Variants in RTL9 observed in about 807,000 individuals in gnomAD.
RTL9 encodes retrotransposon Gag-like protein 9.
RTL9 carries 19 observed loss-of-function variants against 44.7 expected under a neutral mutation model. The ratio of observed to expected loss-of-function variants is 0.42; its 90% CI spans 0.30 to 0.62. RTL9 has a LOEUF of 0.62. Ranked by LOEUF, RTL9 falls within the 20% of genes least tolerant of loss-of-function variation. The pLI, the probability that RTL9 is intolerant of heterozygous loss-of-function variation, is 0.16. For synonymous variants in RTL9, 407 were observed against 398.9 expected, an observed-to-expected ratio of 1.02 and a Z score of -0.24; for missense variants, 1,105 against 1,080.6, an observed-to-expected ratio of 1.02 and a Z score of -0.32.
intron 1 of RTL9, among the ~76,000 whole-genome samples, chrX:110,440,632 A>T (rs772861181): frequency 8.9e-6 from 1 of 112,480 alleles, no homozygotes; most frequent in Non-Finnish European, 1.9e-5. Flanking sequence ...TGCGCTAACA[A>T]TATGAAATAG....
intron 1 of RTL9, among the ~76,000 whole-genome samples, chrX:110,391,418 T>C (rs1227774125): frequency 8.9e-6 from 1 of 112,053 alleles, no homozygotes; most frequent in Non-Finnish European, 1.9e-5. Context: ...GTAAATAGTT[T>C]TCTGGTAAGT....
chrX:110,374,755 G>A (rs1361735571), intron 1 of RTL9, among the ~76,000 whole-genome samples: 4 of 110,803 alleles, frequency 3.6e-5, no homozygotes, highest in Non-Finnish European at 7.6e-5. Context: ...GAGGTAAGAA[G>A]AGTGATAAGG....
chrX:110,382,010 A>G (rs2068423402), intron 1 of RTL9, among the ~76,000 whole-genome samples: 1 of 111,388 alleles, frequency 9.0e-6, no homozygotes, highest in Admixed American at 9.6e-5. Context: ...CTAAAATAAA[A>G]ATTAAAAAAA....
At chrX:110,384,817 C>G (rs1473321237) in intron 1 of RTL9, among the ~76,000 whole-genome samples, 1 of 110,649 alleles carries the variant, frequency 9.0e-6, no homozygotes, top group Non-Finnish European at 1.9e-5. Context: ...AGGTGCATAC[C>G]CTTCCTGAAA....
intron 1 of RTL9, among the ~76,000 whole-genome samples, chrX:110,424,882 C>A (rs1054684248): frequency 9.0e-6 from 1 of 111,656 alleles, no homozygotes; most frequent in African/African-American, 3.3e-5. Flanking sequence ...AAATAATAGT[C>A]ATAGTCACCA....
At chrX:110,442,247 C>CTCTCTCTCTCTCTG (rs1556214261) in intron 1 of RTL9, among the ~76,000 whole-genome samples, 16 of 97,034 alleles carry the variant, frequency 1.6e-4, no homozygotes, top group African/African-American at 2.3e-4. Flanking sequence ...CTCTCTCTCT[C>CTCTCTCTCTCTCTG]TGTGTGTGTG....
chrX:110,418,465 A>G (rs758543111), upstream of RTL9, among the ~76,000 whole-genome samples: 108 of 112,170 alleles, frequency 9.6e-4, 1 homozygote, highest in African/African-American at 3.4e-3. Flanking sequence ...AATCAGGAAA[A>G]GCAGCAGCTA....
intron 1 of RTL9, among the ~76,000 whole-genome samples, chrX:110,366,668 TCTCTG>T (rs2068299372): frequency 8.9e-6 from 1 of 111,795 alleles, no homozygotes; most frequent in African/African-American, 3.3e-5. Context: ...CCCTAGGCTC[TCTCTG>T]CTTTCATGTG....
chrX:110,425,974 G>A (rs764659818), intron 1 of RTL9, among the ~76,000 whole-genome samples: 40 of 110,224 alleles, frequency 3.6e-4, no homozygotes, highest in African/African-American at 1.1e-3. Flanking sequence ...TAGTGCGTGC[G>A]TGCGCGCACA....
chrX:110,452,431 A>C, exon 1 of RTL9: 2 of 1,211,729 alleles, frequency 1.7e-6, no homozygotes, highest in Non-Finnish European at 2.2e-6. Flanking sequence ...TCCTGTCCAC[A>C]AATGAGATCT....
chrX:110,408,336 C>T (rs755535325), intron 1 of RTL9, among the ~76,000 whole-genome samples: 5 of 111,652 alleles, frequency 4.5e-5, no homozygotes, highest in Non-Finnish European at 9.4e-5. Flanking sequence ...CAATACTGCC[C>T]CCTAGGGGAC....
intron 1 of RTL9, among the ~76,000 whole-genome samples, chrX:110,393,152 G>A (rs895274148): frequency 9.0e-6 from 1 of 111,400 alleles, no homozygotes; most frequent in Non-Finnish European, 1.9e-5. Context: ...TAAGAGAGCT[G>A]ATTGTGAAGT....
intron 1 of RTL9, among the ~76,000 whole-genome samples, chrX:110,365,372 T>G (rs2068290531): frequency 8.9e-6 from 1 of 112,215 alleles, no homozygotes; most frequent in South Asian, 3.7e-4. Flanking sequence ...CAGAATAAAC[T>G]CCAAATGTTC....
intron 1 of RTL9, among the ~76,000 whole-genome samples, chrX:110,402,604 G>T (rs2068572727): frequency 8.9e-6 from 1 of 112,547 alleles, no homozygotes; most frequent in African/African-American, 3.2e-5. Context: ...TGTGTGCTTT[G>T]GAATCACCAA....
intron 1 of RTL9, among the ~76,000 whole-genome samples, chrX:110,444,822 G>A (rs2068900108): frequency 8.9e-6 from 1 of 112,141 alleles, no homozygotes; most frequent in Admixed American, 9.4e-5. Flanking sequence ...GAATCTCTCC[G>A]AGGATTGACA....
Position 110,426,002 on chromosome X carries a change from G to GCA in RTL9, c.-168+6886_-168+6887dup, listed in dbSNP as rs201141674. ...CGCGCACACACACACACACACAAAC[G>GCA]CACACACACACACACACACATCCTG... On this transcript the variant is annotated intron_variant, in intron 1 of 3. Coordinates refer to the RTL9 transcript ENST00000465301. Among the ~76,000 whole-genome samples the GCA allele has an allele frequency of 2.6e-3, 284 of 107,495 alleles. 1 individual carries two copies. Among genetic ancestry groups the GCA allele is most frequent in the Middle Eastern group, 0.015 (3 of 203 alleles). The allele number at this position is 107,495 out of a possible 115,157, so 93.3% of individuals were successfully genotyped here.
At chrX:110,411,626 G>T (rs1447639628) in intron 1 of RTL9, among the ~76,000 whole-genome samples, 2 of 111,960 alleles carry the variant, frequency 1.8e-5, no homozygotes, top group Non-Finnish European at 3.8e-5. Context: ...TTAACAACCT[G>T]AGTATGGTGA....
intron 1 of RTL9, among the ~76,000 whole-genome samples, chrX:110,438,551 C>T (rs1426054067): frequency 9.0e-6 from 1 of 111,602 alleles, no homozygotes; most frequent in African/African-American, 3.3e-5. Context: ...TAAGAAACTT[C>T]ATGAATTACC....
intron 1 of RTL9, among the ~76,000 whole-genome samples, chrX:110,368,128 A>T (rs1350747397): frequency 9.1e-6 from 1 of 109,305 alleles, no homozygotes; most frequent in Non-Finnish European, 1.9e-5. Context: ...GGTGTGAGCC[A>T]CTGCACCTGG....
Sources: gnomAD v4.1 joint callset for allele counts (sites outside exome capture counted in the v4.1 genomes callset) on GRCh38, gnomAD v4.1.1 for gene constraint, MANE v1.5 for transcripts, NCBI Gene and HGNC (gene_info 2026-07-23, HGNC 2026-07-21) for gene names.